ACTR3C: variants seen among roughly 807,000 people sequenced by gnomAD.
The protein encoded by ACTR3C is actin-related protein 3C.
ACTR3C carries 18 observed loss-of-function variants against 26.3 expected under a neutral mutation model. That is an observed-to-expected ratio of 0.68 (90% confidence interval 0.47 to 1.01). The LOEUF is 1.01. ACTR3C is among the 50% of genes least tolerant of loss of function. ACTR3C has a pLI of 0.00. For missense variants in ACTR3C, 184 were observed against 250.7 expected (o/e 0.73, Z 1.80); for synonymous variants, 55 against 94.5 (o/e 0.58, Z 2.42).
chr7:150,307,536 C>A (rs1194199810), intron 1 of ACTR3C, among the ~76,000 whole-genome samples: 2 of 152,344 alleles, frequency 1.3e-5, no homozygotes, highest in East Asian at 1.9e-4. Flanking sequence ...AAATAACCAC[C>A]TTTTACTGTA....
At chr7:149,915,305 CCTGT>C in the ACTR3C span, among the ~76,000 whole-genome samples, 2 of 151,952 alleles carry the variant, frequency 1.3e-5, no homozygotes, top group African/African-American at 4.8e-5. Context: ...CAACAACTAC[CCTGT>C]CTAACAATAA....
chr7:150,147,035 C>G, the ACTR3C span, among the ~76,000 whole-genome samples: 4 of 152,160 alleles, frequency 2.6e-5, no homozygotes, highest in African/African-American at 9.7e-5. Context: ...TACCTTCCAA[C>G]AGAAAACCTA....
chr7:149,883,288 A>G, the ACTR3C span, among the ~76,000 whole-genome samples: 1 of 152,276 alleles, frequency 6.6e-6, no homozygotes, highest in East Asian at 1.9e-4. Flanking sequence ...CACAGTCACT[A>G]TGTACCCAAC....
chr7:150,042,473 G>T, the ACTR3C span, among the ~76,000 whole-genome samples: 14 of 138,358 alleles, frequency 1.0e-4, 1 homozygote, highest in Middle Eastern at 3.4e-3. Context: ...GGAGGAAAGG[G>T]GGAGGTTCGC....
the ACTR3C span, among the ~76,000 whole-genome samples, chr7:149,909,199 A>C: frequency 6.6e-6 from 1 of 151,476 alleles, no homozygotes; most frequent in African/African-American, 2.4e-5. Flanking sequence ...CTACCGATTA[A>C]AACTTAAACA....
At chr7:150,109,397 A>G in the ACTR3C span, among the ~76,000 whole-genome samples, 14,847 of 151,914 alleles carry the variant, frequency 0.098, 974 homozygotes, top group Middle Eastern at 0.18. Flanking sequence ...ATCACTCTAA[A>G]AGATATATAA....
the ACTR3C span, among the ~76,000 whole-genome samples, chr7:149,939,342 T>C: frequency 1.3e-5 from 2 of 152,122 alleles, no homozygotes; most frequent in Non-Finnish European, 2.9e-5. Context: ...TGGTAAGAAA[T>C]AGCAAAAATC....
At chr7:150,164,060 G>C in the ACTR3C span, among the ~76,000 whole-genome samples, 1 of 150,566 alleles carries the variant, frequency 6.6e-6, no homozygotes, top group East Asian at 1.9e-4. Flanking sequence ...TGGCATCATA[G>C]AAGAACATTG....
chr7:150,199,970 C>T, the ACTR3C span, among the ~76,000 whole-genome samples: 2,730 of 152,186 alleles, frequency 0.018, 89 homozygotes, highest in African/African-American at 0.062. Flanking sequence ...ATGTACAAAA[C>T]CAGCAAAAAC....
chr7:149,882,294 G>GTGAT, the ACTR3C span, among the ~76,000 whole-genome samples: 1 of 152,344 alleles, frequency 6.6e-6, no homozygotes, highest in South Asian at 2.1e-4. Flanking sequence ...CTTGCCTTCT[G>GTGAT]TGATATTGGA....
the ACTR3C span, among the ~76,000 whole-genome samples, chr7:149,909,966 T>C: frequency 6.8e-6 from 1 of 147,298 alleles, no homozygotes; most frequent in African/African-American, 2.6e-5. Flanking sequence ...ATAAATTACA[T>C]TTATGCATCC....
At chr7:150,231,387 T>C in the ACTR3C span, among the ~76,000 whole-genome samples, 25 of 152,012 alleles carry the variant, frequency 1.6e-4, no homozygotes, top group Middle Eastern at 6.8e-3. Context: ...TCTCACTCCA[T>C]TGGTTCCCAC....
chr7:149,946,474 C>T, the ACTR3C span, among the ~76,000 whole-genome samples: 14 of 152,292 alleles, frequency 9.2e-5, no homozygotes, highest in African/African-American at 2.6e-4. Context: ...CACGTCTCCA[C>T]GGAGCCCTGG....
At chr7:150,084,238 G>GA in the ACTR3C span, among the ~76,000 whole-genome samples, 226 of 148,026 alleles carry the variant, frequency 1.5e-3, no homozygotes, top group South Asian at 8.3e-3. Context: ...TGGCTTCTCT[G>GA]AAAAAAAAAA....
At chr7:149,940,630 A>G in the ACTR3C span, among the ~76,000 whole-genome samples, 1 of 151,758 alleles carries the variant, frequency 6.6e-6, no homozygotes, top group Non-Finnish European at 1.5e-5. Context: ...TGAACAGGCC[A>G]GCACTGTTCT....
At chr7:150,315,642 A>C (rs756188276) in intron 1 of ACTR3C, among the ~76,000 whole-genome samples, 7 of 151,886 alleles carry the variant, frequency 4.6e-5, no homozygotes, top group Non-Finnish European at 1.0e-4. Flanking sequence ...CTCACAGTGA[A>C]AACACCCTCT....
the ACTR3C span, among the ~76,000 whole-genome samples, chr7:150,036,672 C>G: frequency 5.9e-3 from 825 of 140,096 alleles, 76 homozygotes; most frequent in African/African-American, 0.02. Context: ...CCCTTAAGCT[C>G]CGGTAGATTG....
intron 6 of ACTR3C, among the ~76,000 whole-genome samples, chr7:150,249,951 A>G (rs1187162300): frequency 6.6e-6 from 1 of 152,134 alleles, no homozygotes; most frequent in African/African-American, 2.4e-5. Context: ...GGGGACTGTG[A>G]TGGGTTAGGG....
chr7:149,967,490 A>G, the ACTR3C span, among the ~76,000 whole-genome samples: 2 of 152,152 alleles, frequency 1.3e-5, no homozygotes, highest in African/African-American at 4.8e-5. Context: ...TGTTTTCAAA[A>G]GGTTAAGTCA....
Sources: gnomAD v4.1 joint callset for allele counts (sites outside exome capture counted in the v4.1 genomes callset) on GRCh38, gnomAD v4.1.1 for gene constraint, MANE v1.5 for transcripts, NCBI Gene and HGNC (gene_info 2026-07-23, HGNC 2026-07-21) for gene names.